LOXL3: variants seen among roughly 807,000 people sequenced by gnomAD.
LOXL3 encodes the protein lysyl oxidase homolog 3.
A neutral mutation model predicts 91.8 loss-of-function variants in LOXL3; 60 were observed. The ratio of observed to expected loss-of-function variants is 0.65; its 90% CI spans 0.53 to 0.81. LOXL3 has a LOEUF of 0.81. LOXL3 is among the 30% of genes least tolerant of loss of function. The pLI, the probability that LOXL3 is intolerant of heterozygous loss-of-function variation, is 0.00. For synonymous variants in LOXL3, 355 were observed against 387.6 expected (o/e 0.92, Z 0.99); for missense variants, 874 against 1,000.4 (o/e 0.87, Z 1.70).
intron 4 of LOXL3, among the ~76,000 whole-genome samples, chr2:74,548,071 C>T (rs1476151080): frequency 6.6e-5 from 10 of 152,204 alleles, no homozygotes; most frequent in Admixed American, 2.6e-4. Flanking sequence ...TGATGAAAAT[C>T]TACAGGAACA....
At chr2:74,555,587 A>C (rs529903299), upstream of LOXL3, 22 of 1,613,892 alleles carry the variant, frequency 1.4e-5, no homozygotes, top group Non-Finnish European at 1.8e-5. This position sits in a 1 kb window ranked among gnomAD's most constrained non-coding sequence, Gnocchi z 6.1. Context: ...AGGCAGCTGG[A>C]CTCTGGCGCC....
In LOXL3 at chr2:74,532,671, G is replaced by C. The variant is rs371661885; in HGVS notation, c.*935C>G. 2 of 1,613,786 alleles carry C rather than the reference G, an allele frequency of 1.2e-6. No homozygotes were observed. Among genetic ancestry groups the C allele is most frequent in the Non-Finnish European group, 1.7e-6 (2 of 1,180,022 alleles). On this transcript the variant is annotated 3_prime_UTR_variant, in exon 14 of 14. Transcript: ENST00000264094. ...ACCAAGCTTTCCCGATGTTCAGCAT[G>C]GTGTACTCATCCATAAAGTCATCCT...
chr2:74,546,709 ATTTATTTTTAT>A lies in LOXL3; in HGVS notation c.692+2649_692+2659del, dbSNP rs780697837. Among the ~76,000 whole-genome samples, 8 of 151,956 alleles carry A rather than the reference ATTTATTTTTAT, an allele frequency of 5.3e-5. No individual in the cohort carries two copies. The South Asian group carries it at 1.5e-3, about 28-fold the overall frequency. ...ACTTATTTATTTACTTACTTACTTA[ATTTATTTTTAT>A]TTTATTTTTATTTGAGACGGAGTTT... On this transcript the variant is annotated intron_variant, in intron 4 of 13. Coordinates refer to ENST00000264094, the MANE Select transcript of LOXL3 (RefSeq NM_032603.5).
At chr2:74,539,717 T>C (rs1266968883) in intron 4 of LOXL3, 1 of 152,648 alleles carries the variant, frequency 6.6e-6, no homozygotes, top group Non-Finnish European at 1.5e-5. Flanking sequence ...GGGATGGACA[T>C]GGATGGCTGC....
intron 9 of LOXL3, 72 bp from the exon 10 acceptor site, chr2:74,534,846 C>G: frequency 6.5e-7 from 1 of 1,529,586 alleles, no homozygotes; most frequent in Non-Finnish European, 8.9e-7. Flanking sequence ...CCATCCCTCC[C>G]TAGTGTGTAA....
upstream of LOXL3, chr2:74,555,333 C>A (rs747590556): frequency 6.2e-6 from 10 of 1,613,896 alleles, no homozygotes; most frequent in Non-Finnish European, 7.6e-6. This position sits in a 1 kb window ranked among gnomAD's most constrained non-coding sequence, Gnocchi z 6.1. Context: ...CCGTGGAGAC[C>A]CCCCCTGAGC....
intron 4 of LOXL3, among the ~76,000 whole-genome samples, chr2:74,539,305 C>T (rs991058601): frequency 4.6e-5 from 7 of 152,132 alleles, no homozygotes; most frequent in East Asian, 1.9e-4. Context: ...GAAGATTTTC[C>T]GCATCCACCG....
rs750418506 is a variant in LOXL3, at chr2:74,536,504, A to G, written c.913-33T>C. The G allele has an allele frequency of 6.3e-6, 10 of 1,597,106 alleles. No homozygotes were observed. In the African/African-American group the frequency reaches 1.3e-4, roughly 21 times the overall value. On this transcript the variant is annotated intron_variant, in intron 5 of 13. Coordinates refer to ENST00000264094, the MANE Select transcript of LOXL3 (RefSeq NM_032603.5). The surrounding 1 kb of genome is among the most constrained non-coding windows in gnomAD (Gnocchi z 4.5). ...AGAGAGAAGTGCCCAACAGAGGCAAATGGCAACATCTGCACGGAGGGCTAA... is the reference window on the plus strand; with the variant it reads ...AGAGAGAAGTGCCCAACAGAGGCAAGTGGCAACATCTGCACGGAGGGCTAA...
chr2:74,552,795 C>T, intron 1 of LOXL3, 149 bp from the exon 2 acceptor site: 2 of 674,474 alleles, frequency 3.0e-6, no homozygotes, highest in Non-Finnish European at 4.9e-6. Flanking sequence ...GCCCCAGGGA[C>T]CAAGAGACAG....
chr2:74,534,638 A>G lies in LOXL3; in HGVS notation c.1716T>C (p.Tyr572=). The change falls in exon 10 of 14, where the codon TAT becomes TAC. Residue 572 remains tyrosine, a synonymous_variant. Transcript: ENST00000264094. ...ASSARSANWP[Y]GHRRLLRFSS... is the part of the protein sequence containing the mutation. Reference sequence around the variant, plus strand: ...AGAATCGGAGCAGACGCCGGTGACCATAGGGCCAGTTGGCTGAGCGGGCTG... The same window carrying G: ...AGAATCGGAGCAGACGCCGGTGACCGTAGGGCCAGTTGGCTGAGCGGGCTG... 1 of 1,614,214 alleles carries G rather than the reference A, an allele frequency of 6.2e-7. No individual in the cohort carries two copies. Among genetic ancestry groups the G allele is most frequent in the Non-Finnish European group, 8.5e-7 (1 of 1,180,034 alleles).
In LOXL3 at chr2:74,552,071, G is replaced by T. The variant is rs894173906; in HGVS notation, c.313+251C>A. On this transcript the variant is annotated intron_variant, in intron 2 of 13. Coordinates refer to ENST00000264094, the MANE Select transcript of LOXL3 (RefSeq NM_032603.5). Reference sequence around the variant, plus strand: ...TTTGTAGGATCATACTTTTGCAGCAGAAAAGAACTTAGACATCATCTAGTC... The same window carrying T: ...TTTGTAGGATCATACTTTTGCAGCATAAAAGAACTTAGACATCATCTAGTC... 9.2e-5 allele frequency among the ~76,000 whole-genome samples: 14 copies of T among 152,368 alleles called. 1 individual carries two copies. Among genetic ancestry groups the T allele is most frequent in the Middle Eastern group, 3.4e-3 (1 of 294 alleles).
Position 74,549,276 on chromosome 2 carries a change from C to T in LOXL3, c.692+93G>A. ...GCGCGTCCCGACCCCCGGGTCCTCC[C>T]GTGCCCCGGACCTGCTCAGATGTCT... On this transcript the variant is annotated intron_variant, in intron 4 of 13. Coordinates refer to ENST00000264094, the MANE Select transcript of LOXL3 (RefSeq NM_032603.5). The surrounding 1 kb of genome is among the most constrained non-coding windows in gnomAD (Gnocchi z 5.3). 1.5e-6 allele frequency: 2 copies of T among 1,369,342 alleles called. No individual in the cohort carries two copies. The highest frequency in any genetic ancestry group is 2.9e-5 in the Admixed American group (1 of 33,976). The allele number at this position is 1,369,342 out of a possible 1,614,324, so 84.8% of individuals were successfully genotyped here.
chr2:74,543,771 C>T (rs187236549), intron 4 of LOXL3, among the ~76,000 whole-genome samples: 5 of 151,124 alleles, frequency 3.3e-5, no homozygotes, highest in East Asian at 2.0e-4. Flanking sequence ...CATGGTGGCG[C>T]GTGCCCGTAA....
At chr2:74,538,672 G>T (rs1042824161) in intron 4 of LOXL3, among the ~76,000 whole-genome samples, 1 of 152,154 alleles carries the variant, frequency 6.6e-6, no homozygotes, top group African/African-American at 2.4e-5. Context: ...CAAAGGGGAC[G>T]CTGAGTTTCC....
rs767082733 is a variant in LOXL3, at chr2:74,536,393, CTG to C, written c.989_990del (p.Thr330SerfsTer3). On this transcript the variant is annotated frameshift_variant, in exon 6 of 14. Transcript: ENST00000264094. LOFTEE classifies it high-confidence loss of function. The surrounding 1 kb of genome is among the most constrained non-coding windows in gnomAD (Gnocchi z 4.5). Reference protein sequence around the residue: ...VEVLKASTWGTVCDRKWDLHA... With the variant: ...VEVLKASTWGXVCDRKWDLHA... Reference sequence around the variant, plus strand: ...TGCAGGTCCCACTTGCGGTCACAGACTGTGCCCCATGTGCTGGCCTTCAGGAC... The same window carrying C: ...TGCAGGTCCCACTTGCGGTCACAGACTGCCCCATGTGCTGGCCTTCAGGAC... The C allele has an allele frequency of 1.2e-6, 2 of 1,614,222 alleles. No individual in the cohort carries two copies. The highest frequency in any genetic ancestry group is 1.7e-6 in the Non-Finnish European group (2 of 1,180,034).
At chr2:74,534,862 G>GT (rs1303914104) in intron 9 of LOXL3, 88 bp from the exon 10 acceptor site, 7 of 1,435,708 alleles carry the variant, frequency 4.9e-6, no homozygotes, top group Non-Finnish European at 2.8e-6. Flanking sequence ...TGTAAGACTA[G>GT]TTTTTTGTTT....
intron 9 of LOXL3, 83 bp from the exon 10 acceptor site, chr2:74,534,857 G>T: frequency 6.9e-7 from 1 of 1,456,938 alleles, no homozygotes; most frequent in Non-Finnish European, 9.3e-7. Flanking sequence ...TAGTGTGTAA[G>T]ACTAGTTTTT....
At position 74,535,698 on chromosome 2, in the gene LOXL3, C is replaced by T. The variant is rs781047693; in HGVS notation, c.1306G>A (p.Gly436Arg). The change falls in exon 8 of 14, where the codon GGA becomes AGA. Residue 436 changes from glycine (G) to arginine (R), a missense_variant. Gly to Arg is a moderately radical substitution (Grantham distance 125). Coordinates refer to ENST00000264094, the MANE Select transcript of LOXL3 (RefSeq NM_032603.5). The surrounding 1 kb of genome is among the most constrained non-coding windows in gnomAD (Gnocchi z 4.2). ...AGGCCCCAGCGAAGGGGCCCAGGTCCCCCTATTTGCACCTCGACTCGCCCC... is the reference window on the plus strand; with the variant it reads ...AGGCCCCAGCGAAGGGGCCCAGGTCTCCCTATTTGCACCTCGACTCGCCCC... ...HEGRVEVQIG[G>R]PGPLRWGLIC... The T allele has an allele frequency of 8.7e-6, 14 of 1,605,690 alleles. No individual in the cohort carries two copies. Among genetic ancestry groups the T allele is most frequent in the Non-Finnish European group, 1.2e-5 (14 of 1,177,736 alleles).
At chr2:74,541,140 T>C (rs1350556172) in intron 4 of LOXL3, among the ~76,000 whole-genome samples, 1 of 152,246 alleles carries the variant, frequency 6.6e-6, no homozygotes, top group Non-Finnish European at 1.5e-5. Context: ...AGCAATAAAA[T>C]ATAACAACTA....
Sources: allele counts gnomAD v4.1 joint callset (sites outside exome capture counted in the v4.1 genomes callset), GRCh38; gene constraint gnomAD v4.1.1; non-coding constraint Gnocchi (gnomAD v3.1); transcripts MANE v1.5; gene names NCBI Gene and HGNC (gene_info 2026-07-23, HGNC 2026-07-21).